ACSL6: variants seen among roughly 807,000 people sequenced by gnomAD.
The protein encoded by ACSL6 is long-chain-fatty-acid--CoA ligase 6.
ACSL6 carries 47 observed loss-of-function variants against 98.2 expected under a neutral mutation model. The ratio of observed to expected loss-of-function variants is 0.48; its 90% CI spans 0.38 to 0.61. The LOEUF (loss-of-function observed/expected upper bound fraction) is 0.61, where lower values mean the gene tolerates loss of function less well. Ranked by LOEUF, ACSL6 falls within the 20% of genes least tolerant of loss-of-function variation. The pLI is 0.00. For missense variants in ACSL6, 761 were observed against 913.4 expected, an observed-to-expected ratio of 0.83 and a Z score of 2.15; for synonymous variants, 362 against 336.9, an observed-to-expected ratio of 1.07 and a Z score of -0.82.
chr5:131,958,292 C>T (rs191711536), intron 20 of ACSL6, among the ~76,000 whole-genome samples: 56 of 152,326 alleles, frequency 3.7e-4, no homozygotes, highest in Middle Eastern at 3.4e-3. Context: ...CCCTTCAAAT[C>T]CACGTAGGCC....
chr5:131,975,358 A>AGCCCGGCTCTC, intron 10 of ACSL6: 3 of 985,406 alleles, frequency 3.0e-6, no homozygotes, highest in Non-Finnish European at 3.6e-6. Context: ...AGTCGGCTCT[A>AGCCCGGCTCTC]GCCCGGCTCT....
intron 8 of ACSL6, among the ~76,000 whole-genome samples, chr5:131,986,184 T>C (rs896294402): frequency 6.6e-6 from 1 of 151,946 alleles, no homozygotes; most frequent in Admixed American, 6.6e-5. Context: ...AACTGAGCCG[T>C]GATGTGTAGG....
rs899001502 is a variant in ACSL6, at chr5:131,973,700, C to T, written c.1069-300G>A. On this transcript the variant is annotated intron_variant, in intron 11 of 20. Coordinates refer to ENST00000651883, the MANE Select transcript of ACSL6 (RefSeq NM_001009185.3). ...TGTGCCCCCCTCACCTACTCCCAAA[C>T]CCTGGACATGGGCCTCCCTGGGGAC... is the stretch of plus-strand genomic sequence containing the variant. 1.2e-5 allele frequency: 3 copies of T among 260,324 alleles called. No homozygotes were observed. The South Asian group carries it at 2.4e-4, about 21-fold the overall frequency. The allele number at this position is 260,324 out of a possible 1,614,324, so 16.1% of individuals were successfully genotyped here. A position where few individuals can be genotyped will look rare whatever the true frequency, so the allele number is the denominator to read the frequency against.
At chr5:131,964,902 C>A (rs1259198977) in intron 17 of ACSL6, among the ~76,000 whole-genome samples, 1 of 152,184 alleles carries the variant, frequency 6.6e-6, no homozygotes, top group Non-Finnish European at 1.5e-5. Flanking sequence ...TATCCTAAGG[C>A]TTGGATGCAG....
rs531780118 is a variant in ACSL6 at position 132,005,538 on chromosome 5, G to A, written c.49+5967C>T. Among the ~76,000 whole-genome samples the A allele has an allele frequency of 4.6e-5, 7 of 152,326 alleles. No homozygotes were observed. The East Asian group carries it at 1.3e-3, about 29-fold the overall frequency. ...TCCCAGCTCTAACTGTCCTTGCTGT[G>A]TAGCCTCTAGCTGCCCTTTCTATCC... On this transcript the variant is annotated intron_variant, in intron 1 of 20. Transcript: ENST00000651883.
At chr5:132,005,372 G>A (rs1755347121) in intron 1 of ACSL6, among the ~76,000 whole-genome samples, 1 of 152,218 alleles carries the variant, frequency 6.6e-6, no homozygotes, top group Admixed American at 6.5e-5. Flanking sequence ...CTGCAGGCCT[G>A]GATGGGTCTC....
upstream of ACSL6, chr5:132,012,016 C>T (rs555359451): frequency 7.6e-5 from 110 of 1,443,490 alleles, 2 homozygotes; most frequent in South Asian, 1.5e-3. Context: ...CAACACGCGA[C>T]CCTGCCCCCG....
chr5:131,989,638 C>T (rs1014899195), intron 4 of ACSL6, 130 bp from the exon 5 acceptor site: 23 of 674,510 alleles, frequency 3.4e-5, no homozygotes, highest in Non-Finnish European at 5.4e-5. Context: ...ATCTATCACC[C>T]AGGCTGGAGT....
chr5:131,968,441 C>CT (rs1211437571), intron 15 of ACSL6, among the ~76,000 whole-genome samples: 3 of 152,140 alleles, frequency 2.0e-5, no homozygotes, highest in African/African-American at 7.2e-5. Flanking sequence ...ATTGCTTTTC[C>CT]TCTAGCCACC....
Position 131,951,273 on chromosome 5 carries a change from CT to C in ACSL6, c.*2960del. 2 of 209,654 alleles carry C rather than the reference CT, an allele frequency of 9.5e-6. No individual in the cohort carries two copies. The highest frequency in any genetic ancestry group is 1.9e-5 in the Non-Finnish European group (2 of 103,298). 13.0% of individuals were successfully genotyped at this position (209,654 alleles called of 1,614,324 possible). ...AATGTGACCATCGTAAGTACATCAC[CT>C]TTTTCTATCTCTGTTAATGAGAAAT... On this transcript the variant is annotated 3_prime_UTR_variant, in exon 21 of 21. Transcript: ENST00000651883.
intron 1 of ACSL6, among the ~76,000 whole-genome samples, chr5:131,996,860 C>T (rs1321008879): frequency 1.3e-5 from 2 of 152,166 alleles, no homozygotes; most frequent in Non-Finnish European, 2.9e-5. Flanking sequence ...CATGGGGAGC[C>T]AGAAAAGCTG....
At chr5:131,971,715 T>C (rs762045814) in intron 13 of ACSL6, 70 bp from the exon 14 acceptor site, 108 of 1,370,372 alleles carry the variant, frequency 7.9e-5, no homozygotes, top group Non-Finnish European at 1.0e-4. Flanking sequence ...CTGGGTTTCA[T>C]CCAAGGTCAA....
chr5:131,988,583 C>G (rs1462250981), intron 6 of ACSL6: 1 of 1,612,792 alleles, frequency 6.2e-7, no homozygotes, highest in Non-Finnish European at 8.5e-7. Context: ...GCAGAGGCTC[C>G]TTCTTGGCAG....
intron 5 of ACSL6, 102 bp downstream of exon 5, chr5:131,989,305 T>A: frequency 8.7e-7 from 1 of 1,148,064 alleles, no homozygotes; most frequent in Non-Finnish European, 1.3e-6. Flanking sequence ...CTCTGTTTTT[T>A]CTTTTGTCCT....
At chr5:131,986,052 C>T (rs930014646) in intron 8 of ACSL6, among the ~76,000 whole-genome samples, 2 of 152,184 alleles carry the variant, frequency 1.3e-5, no homozygotes, top group East Asian at 1.9e-4. Flanking sequence ...GAGATGGAAG[C>T]GCAAGCAAGA....
At chr5:131,977,793 G>A (rs1038870942) in intron 9 of ACSL6, among the ~76,000 whole-genome samples, 2 of 152,178 alleles carry the variant, frequency 1.3e-5, no homozygotes, top group Non-Finnish European at 2.9e-5. Flanking sequence ...TGTTGTACTC[G>A]ATGCCCCTGA....
chr5:132,011,634 C>T lies in ACSL6; in HGVS notation c.-81G>A. On this transcript the variant is annotated 5_prime_UTR_variant, in exon 1 of 21. Coordinates refer to ENST00000651883, the MANE Select transcript of ACSL6 (RefSeq NM_001009185.3). The surrounding 1 kb of genome is among the most constrained non-coding windows in gnomAD (Gnocchi z 5.4). Reference sequence around the variant, plus strand: ...CAGCCCCGCAGCCCAGCAGCCCCAGCAGTAGCCGCGCCGCCGCCGCCGCTG... The same window carrying T: ...CAGCCCCGCAGCCCAGCAGCCCCAGTAGTAGCCGCGCCGCCGCCGCCGCTG... 7.9e-7 allele frequency: 1 copy of T among 1,267,948 alleles called. No individual in the cohort carries two copies. Among genetic ancestry groups the T allele is most frequent in the Non-Finnish European group, 9.9e-7 (1 of 1,005,294 alleles). The allele number at this position is 1,267,948 out of a possible 1,614,324, so 78.5% of individuals were successfully genotyped here.
chr5:131,958,957 G>A (rs1391446408), intron 20 of ACSL6, among the ~76,000 whole-genome samples: 1 of 151,844 alleles, frequency 6.6e-6, no homozygotes, highest in Admixed American at 6.6e-5. Flanking sequence ...TGACAAAAGG[G>A]GATGTATAAA....
rs553673556 is a variant in ACSL6 at position 131,976,078 on chromosome 5, C to T, written c.990+570G>A. 8 of 985,468 alleles carry T rather than the reference C, an allele frequency of 8.1e-6. No homozygotes were observed. In the East Asian group the frequency reaches 3.4e-4, roughly 42 times the overall value. 61.0% of individuals were successfully genotyped at this position (985,468 alleles called of 1,614,324 possible). A position where few individuals can be genotyped will look rare whatever the true frequency, so the allele number is the denominator to read the frequency against. On this transcript the variant is annotated intron_variant, in intron 10 of 20. Transcript: ENST00000651883. ...CTTTATGCTGAAGGAAACTGCAGGA[C>T]ATACTCACCACTTGTGGGAAAAGTC...
Sources: gnomAD v4.1 joint callset for allele counts (sites outside exome capture counted in the v4.1 genomes callset) on GRCh38, gnomAD v4.1.1 for gene constraint, Gnocchi (gnomAD v3.1) non-coding constraint, MANE v1.5 for transcripts, NCBI Gene and HGNC (gene_info 2026-07-23, HGNC 2026-07-21) for gene names.